Variants in PTPRD observed in about 807,000 individuals in gnomAD.
The protein encoded by PTPRD is receptor-type tyrosine-protein phosphatase delta.
In PTPRD, 34 loss-of-function variants were observed where a neutral mutation model predicts 214.5. The ratio of observed to expected loss-of-function variants is 0.16; its 90% confidence interval spans 0.12 to 0.21. The LOEUF (loss-of-function observed/expected upper bound fraction) is 0.21. PTPRD is among the 10% of genes least tolerant of loss of function. The pLI is 1.00. For synonymous variants in PTPRD, 1,128 were observed against 845.7 expected (o/e 1.33, Z -5.79); for missense variants, 2,545 against 2,398.7 (o/e 1.06, Z -1.27).
chr9:10,013,827 C>G lies in PTPRD; in HGVS notation c.-472+19891G>C, dbSNP rs1055781376. On this transcript the variant is annotated intron_variant, in intron 4 of 45. Coordinates refer to ENST00000381196, the MANE Select transcript of PTPRD (RefSeq NM_002839.4). ...ATATTTTGGTTCACATAATAATGTT[C>G]TAGAATTTGATATTCTTGGTTAATA... Among the ~76,000 whole-genome samples, 3 of 151,842 alleles carry G rather than the reference C, an allele frequency of 2.0e-5. No homozygotes were observed. The East Asian group carries it at 5.8e-4, about 29-fold the overall frequency.
intron 3 of PTPRD, among the ~76,000 whole-genome samples, chr9:10,267,298 T>A (rs946639865): frequency 1.3e-5 from 2 of 151,950 alleles, no homozygotes; most frequent in Admixed American, 1.3e-4. Flanking sequence ...AAAAAATAGA[T>A]ATACAAATTA....
chr9:9,607,990 A>C (rs922733854), intron 7 of PTPRD, among the ~76,000 whole-genome samples: 3 of 152,158 alleles, frequency 2.0e-5, no homozygotes, highest in Non-Finnish European at 2.9e-5. Flanking sequence ...TGGGAGAGCA[A>C]TCGATGGGTT....
At chr9:10,558,117 A>T (rs1165137312) in intron 2 of PTPRD, among the ~76,000 whole-genome samples, 38 of 152,176 alleles carry the variant, frequency 2.5e-4, no homozygotes, top group Non-Finnish European at 4.4e-5. Flanking sequence ...AAACTGGACA[A>T]GGCTAATATG....
intron 5 of PTPRD, among the ~76,000 whole-genome samples, chr9:9,828,584 G>A (rs1269814507): frequency 1.3e-5 from 2 of 151,752 alleles, no homozygotes; most frequent in Non-Finnish European, 2.9e-5. Flanking sequence ...CACACCAACA[G>A]GGCACATGTA....
At chr9:8,399,715 T>G (rs905486732) in intron 36 of PTPRD, among the ~76,000 whole-genome samples, 1 of 152,112 alleles carries the variant, frequency 6.6e-6, no homozygotes, top group South Asian at 2.1e-4. Flanking sequence ...TCTTACACAA[T>G]CTTCCCAGCC....
intron 35 of PTPRD, among the ~76,000 whole-genome samples, chr9:8,411,777 TAAGA>T (rs1205300148): frequency 6.6e-6 from 1 of 152,192 alleles, no homozygotes; most frequent in Non-Finnish European, 1.5e-5. Flanking sequence ...AGGTGAATAA[TAAGA>T]AAGAGATGGA....
At chr9:9,937,035 T>C (rs1465461858) in intron 5 of PTPRD, among the ~76,000 whole-genome samples, 2 of 151,460 alleles carry the variant, frequency 1.3e-5, no homozygotes, top group African/African-American at 4.9e-5. Context: ...TGAGATCACA[T>C]GGACACAGGA....
intron 2 of PTPRD, among the ~76,000 whole-genome samples, chr9:10,609,746 T>C (rs1488129834): frequency 6.6e-6 from 1 of 152,162 alleles, no homozygotes; most frequent in Non-Finnish European, 1.5e-5. Flanking sequence ...CTAATTAGCA[T>C]TGTTTTCTTT....
intron 4 of PTPRD, among the ~76,000 whole-genome samples, chr9:9,973,301 CAAA>C (rs747369676): frequency 1.3e-5 from 1 of 74,194 alleles, no homozygotes; most frequent in Non-Finnish European, 3.0e-5. Context: ...CCTTGTCTTT[CAAA>C]AAAAAAAAAA....
intron 10 of PTPRD, among the ~76,000 whole-genome samples, chr9:9,065,372 T>G (rs2099725674): frequency 6.6e-6 from 1 of 152,146 alleles, no homozygotes. Context: ...GCATGTTCTG[T>G]GCAGATTAAA....
intron 11 of PTPRD, among the ~76,000 whole-genome samples, chr9:8,798,534 A>T (rs1382004423): frequency 6.6e-6 from 1 of 152,210 alleles, no homozygotes; most frequent in Non-Finnish European, 1.5e-5. Context: ...ATCATTCTGA[A>T]CCATCTTTAA....
chr9:9,672,092 T>C (rs967976793), intron 7 of PTPRD, among the ~76,000 whole-genome samples: 3 of 152,184 alleles, frequency 2.0e-5, no homozygotes, highest in Non-Finnish European at 2.9e-5. Context: ...ATTGAACTAA[T>C]CACTATAGTA....
chr9:8,486,311 T>A lies in PTPRD; in HGVS notation c.2506A>T (p.Met836Leu), dbSNP rs781336894. 1.9e-6 allele frequency: 3 copies of A among 1,614,062 alleles called. No homozygotes were observed. Among genetic ancestry groups the A allele is most frequent in the East Asian group, 2.2e-5 (1 of 44,892 alleles). The stretch of plus-strand genomic sequence containing the variant: ...TGCCACTGAATAAGAGCAGTATTCA[T>A]CTGAGTGTGGTTAATCACAAGCCGA... ...KPRLVINHTQ[M>L]NTALIQWHPP... The change falls in exon 28 of 46, where the codon ATG becomes TTG. Residue 836 changes from methionine to leucine, a missense_variant. Coordinates refer to ENST00000381196, the MANE Select transcript of PTPRD (RefSeq NM_002839.4).
intron 5 of PTPRD, among the ~76,000 whole-genome samples, chr9:9,871,532 G>A (rs1362153687): frequency 6.6e-6 from 1 of 152,204 alleles, no homozygotes; most frequent in South Asian, 2.1e-4. Context: ...CTTCAAGGAA[G>A]CTCAGGGGCA....
chr9:9,752,800 C>T (rs1035387568), intron 6 of PTPRD, among the ~76,000 whole-genome samples: 9 of 151,998 alleles, frequency 5.9e-5, no homozygotes, highest in South Asian at 2.1e-4. Flanking sequence ...TGGCCTGGCA[C>T]GACCTTTCTA....
In PTPRD at chr9:9,274,094, C is replaced by G. The variant is rs1022058070; in HGVS notation, c.-202-90731G>C. Among the ~76,000 whole-genome samples the G allele has an allele frequency of 2.0e-5, 3 of 151,076 alleles. No individual in the cohort carries two copies. In the Admixed American group the frequency reaches 2.0e-4, roughly 10 times the overall value. On this transcript the variant is annotated intron_variant, in intron 9 of 45. Coordinates refer to ENST00000381196, the MANE Select transcript of PTPRD (RefSeq NM_002839.4). ...CTGTATACTATTTTTTTAAAATTCT[C>G]TCTTTCACTTGGATGTCCTCCTTCT...
intron 39 of PTPRD, among the ~76,000 whole-genome samples, chr9:8,361,127 G>A (rs1032628818): frequency 1.3e-5 from 2 of 152,174 alleles, no homozygotes; most frequent in Non-Finnish European, 1.5e-5. Context: ...GTCAACATAC[G>A]GATTTGTAAA....
chr9:9,310,586 T>A (rs1294859690), intron 9 of PTPRD, among the ~76,000 whole-genome samples: 1 of 152,182 alleles, frequency 6.6e-6, no homozygotes, highest in East Asian at 1.9e-4. Flanking sequence ...TGAGCCGTTA[T>A]TGAATGCCTA....
chr9:8,798,270 T>A (rs1195486687), intron 11 of PTPRD, among the ~76,000 whole-genome samples: 1 of 152,182 alleles, frequency 6.6e-6, no homozygotes, highest in South Asian at 2.1e-4. Context: ...GGGTAAATCC[T>A]AGGATCATTA....
Sources: gnomAD v4.1 joint callset for allele counts (sites outside exome capture counted in the v4.1 genomes callset) on GRCh38, gnomAD v4.1.1 for gene constraint, MANE v1.5 for transcripts, NCBI Gene and HGNC (gene_info 2026-07-23, HGNC 2026-07-21) for gene names.